Variants in RCHY1 observed in about 807,000 individuals in gnomAD.
RCHY1 encodes the protein RING finger and CHY zinc finger domain-containing protein 1.
A neutral mutation model predicts 41.6 loss-of-function variants in RCHY1; 21 were observed. That is an observed-to-expected ratio of 0.51 (90% CI 0.36 to 0.73). RCHY1 has a LOEUF of 0.73. Ranked by LOEUF, RCHY1 falls within the 30% of genes least tolerant of loss-of-function variation. The pLI, the probability that RCHY1 is intolerant of heterozygous loss-of-function variation, is 0.00. For synonymous variants in RCHY1, 79 were observed against 102.9 expected (o/e 0.77, Z 1.41); for missense variants, 265 against 325.3 (o/e 0.81, Z 1.43).
rs1338082452 is a variant in RCHY1 at position 75,487,675 on chromosome 4, T to G, written c.657+2906A>C. Among the ~76,000 whole-genome samples, 4 of 94,260 alleles carry G rather than the reference T, an allele frequency of 4.2e-5. No individual in the cohort carries two copies. The East Asian group carries it at 1.1e-3, about 26-fold the overall frequency. 61.8% of individuals were successfully genotyped at this position (94,260 alleles called of 152,430 possible). A position where few individuals can be genotyped will look rare whatever the true frequency, so the allele number is the denominator to read the frequency against. On this transcript the variant is annotated intron_variant, in intron 8 of 8. Coordinates refer to ENST00000324439, the MANE Select transcript of RCHY1 (RefSeq NM_015436.4). ...TTCATAATATATATATTCATATATA[T>G]TCATAATATATATATTCATATATAT...
At chr4:75,512,902 A>AGGG (rs33923711) in intron 1 of RCHY1, among the ~76,000 whole-genome samples, 2 of 96,506 alleles carry the variant, frequency 2.1e-5, no homozygotes, top group South Asian at 4.1e-4. Flanking sequence ...CTGGTATTTA[A>AGGG]GGGGGGGGGG....
At position 75,494,150 on chromosome 4, in the gene RCHY1, C is replaced by A; in HGVS notation, c.356G>T (p.Cys119Phe). The A allele has an allele frequency of 6.4e-7, 1 of 1,565,638 alleles. No homozygotes were observed. The highest frequency in any genetic ancestry group is 1.2e-5 in the South Asian group (1 of 83,532). ...AGCTAGGCATAAGTTACATTTCAAA[C>A]AATGGAAAAAATCTTCCTTTGGACC... is the stretch of plus-strand genomic sequence containing the variant. ...RIGPKEDFFHCLKCNLCLAMN... is the reference protein window; with the variant it reads ...RIGPKEDFFHFLKCNLCLAMN... Residue 119 changes from cysteine (C) to phenylalanine (F), a missense_variant, in exon 4 of 9, where the codon TGT becomes TTT. Cys to Phe is a radical substitution (Grantham distance 205, BLOSUM62 -2). Coordinates refer to ENST00000324439, the MANE Select transcript of RCHY1 (RefSeq NM_015436.4).
rs1721431011 is a variant in RCHY1 at position 75,480,443 on chromosome 4, G to T, written c.*2095C>A. 1.3e-5 allele frequency: 2 copies of T among 152,146 alleles called. No individual in the cohort carries two copies. Among genetic ancestry groups the T allele is most frequent in the Non-Finnish European group, 2.9e-5 (2 of 68,026 alleles). 9.4% of individuals were successfully genotyped at this position (152,146 alleles called of 1,614,324 possible). On this transcript the variant is annotated 3_prime_UTR_variant, in exon 9 of 9. Transcript: ENST00000324439. The stretch of plus-strand genomic sequence containing the variant: ...TAAAAGTGGGTTTGGAGTCAAACTT[G>T]GATCTGATTCCCAACTCCAACATAT...
intron 8 of RCHY1, 107 bp downstream of exon 8, chr4:75,490,474 G>T: frequency 1.3e-6 from 1 of 768,212 alleles, no homozygotes; most frequent in African/African-American, 1.9e-5. Flanking sequence ...TAGCATCTGT[G>T]TCAAACCAGT....
chr4:75,500,380 C>T (rs985167270), intron 3 of RCHY1, among the ~76,000 whole-genome samples: 2 of 152,088 alleles, frequency 1.3e-5, no homozygotes, highest in African/African-American at 4.8e-5. Flanking sequence ...AAAGCTTATT[C>T]TTGTACATTA....
intron 3 of RCHY1, among the ~76,000 whole-genome samples, chr4:75,496,504 A>C (rs1452074278): frequency 6.6e-6 from 1 of 152,128 alleles, no homozygotes; most frequent in Non-Finnish European, 1.5e-5. Context: ...ACCCAAAGCC[A>C]GGGAAACAAC....
intron 1 of RCHY1, among the ~76,000 whole-genome samples, chr4:75,511,137 G>A (rs1204582028): frequency 6.6e-6 from 1 of 152,074 alleles, no homozygotes; most frequent in Non-Finnish European, 1.5e-5. Flanking sequence ...ACTTCAAATG[G>A]ATGTTTTACT....
At chr4:75,496,971 A>G (rs1723265821) in intron 3 of RCHY1, among the ~76,000 whole-genome samples, 1 of 152,158 alleles carries the variant, frequency 6.6e-6, no homozygotes, top group Non-Finnish European at 1.5e-5. Context: ...ATACCATTAC[A>G]TTAAAAAAGT....
Position 75,481,162 on chromosome 4 carries a change from G to A in RCHY1, c.*1376C>T, listed in dbSNP as rs1721496091. ...TGGAATACAGAAGACAAGAAGGTGG[G>A]ATAAAATAAAGATCTGAGTCCCAAA... On this transcript the variant is annotated 3_prime_UTR_variant, in exon 9 of 9. Transcript: ENST00000324439. 2 of 152,194 alleles carry A rather than the reference G, an allele frequency of 1.3e-5. No individual in the cohort carries two copies. The highest frequency in any genetic ancestry group is 4.8e-5 in the African/African-American group (2 of 41,442). The allele number at this position is 152,194 out of a possible 1,614,324, so 9.4% of individuals were successfully genotyped here. A position where few individuals can be genotyped will look rare whatever the true frequency, so the allele number is the denominator to read the frequency against.
intron 3 of RCHY1, among the ~76,000 whole-genome samples, chr4:75,502,745 A>G (rs1218177984): frequency 3.9e-5 from 6 of 152,162 alleles, no homozygotes; most frequent in Admixed American, 6.5e-5. Context: ...ATCATTCCCA[A>G]CTATCCTAAC....
chr4:75,486,303 C>T (rs1350283126), intron 8 of RCHY1, among the ~76,000 whole-genome samples: 1 of 151,952 alleles, frequency 6.6e-6, no homozygotes, highest in Non-Finnish European at 1.5e-5. Flanking sequence ...AATTTTTTTT[C>T]AGTAATTTAA....
At chr4:75,504,827 G>C (rs747385387) in intron 3 of RCHY1, among the ~76,000 whole-genome samples, 1 of 151,898 alleles carries the variant, frequency 6.6e-6, no homozygotes, top group Non-Finnish European at 1.5e-5. Context: ...TTATTCTTTC[G>C]TCTGCACATT....
chr4:75,509,287 A>G lies in RCHY1; in HGVS notation c.100T>C (p.Cys34Arg), dbSNP rs777053671. The G allele has an allele frequency of 6.2e-7, 1 of 1,612,948 alleles. No individual in the cohort carries two copies. The highest frequency in any genetic ancestry group is 8.5e-7 in the Non-Finnish European group (1 of 1,179,446). The stretch of plus-strand genomic sequence containing the variant: ...AAGCGGCAAGTATAAAGCTTGTCAC[A>G]GCAAGGTGCCTAACACCCACGGAGA... Reference protein sequence around the residue: ...DRGCLLKAPCCDKLYTCRLCH... With the variant: ...DRGCLLKAPCRDKLYTCRLCH... The change falls in exon 2 of 9, where the codon TGT becomes CGT. Residue 34 changes from cysteine (C) to arginine (R), a missense_variant. By Grantham distance (180) the Cys-to-Arg change is radical (BLOSUM62 -3). Coordinates refer to ENST00000324439, the MANE Select transcript of RCHY1 (RefSeq NM_015436.4).
chr4:75,482,453 G>T lies in RCHY1; in HGVS notation c.*85C>A. Reference sequence around the variant, plus strand: ...CAAAACACATCAACTCTAATGCATAGATGACGACACATGATAACACGATAC... The same window carrying T: ...CAAAACACATCAACTCTAATGCATATATGACGACACATGATAACACGATAC... On this transcript the variant is annotated 3_prime_UTR_variant, in exon 9 of 9. Coordinates refer to ENST00000324439, the MANE Select transcript of RCHY1 (RefSeq NM_015436.4). 7.7e-7 allele frequency: 1 copy of T among 1,302,516 alleles called. No individual in the cohort carries two copies. The highest frequency in any genetic ancestry group is 1.7e-5 in the South Asian group (1 of 59,584). The allele number at this position is 1,302,516 out of a possible 1,614,324, so 80.7% of individuals were successfully genotyped here.
At chr4:75,486,382 A>G (rs1412452755) in intron 8 of RCHY1, among the ~76,000 whole-genome samples, 5 of 152,124 alleles carry the variant, frequency 3.3e-5, no homozygotes, top group African/African-American at 4.8e-5. Context: ...TAAAATGCTA[A>G]AACATTAATT....
chr4:75,495,736 C>T lies in RCHY1; in HGVS notation c.327-1557G>A, dbSNP rs560555683. ...TTCTGCCTTTCTTGAACCACCATTA[C>T]TTTGGGTTTCTGTCACAAGATGCTA... On this transcript the variant is annotated intron_variant, in intron 3 of 8. Transcript: ENST00000324439. Among the ~76,000 whole-genome samples, 240 of 152,158 alleles carry T rather than the reference C, an allele frequency of 1.6e-3. 1 individual carries two copies. The highest frequency in any genetic ancestry group is 5.5e-3 in the African/African-American group (228 of 41,554).
intron 8 of RCHY1, among the ~76,000 whole-genome samples, chr4:75,489,618 T>C (rs1447934266): frequency 2.6e-5 from 4 of 152,194 alleles, no homozygotes; most frequent in Non-Finnish European, 5.9e-5. Flanking sequence ...TACGAAATAA[T>C]CACTGGAAGG....
intron 1 of RCHY1, among the ~76,000 whole-genome samples, chr4:75,513,050 T>C (rs1004787462): frequency 2.0e-5 from 3 of 152,056 alleles, no homozygotes; most frequent in African/African-American, 7.2e-5. Context: ...GAAAGAATAA[T>C]AATACATCTC....
intron 8 of RCHY1, among the ~76,000 whole-genome samples, chr4:75,487,667 C>CATA (rs1553917624): frequency 1.6e-4 from 6 of 38,442 alleles, no homozygotes; most frequent in Admixed American, 3.5e-4. Context: ...TATATATATT[C>CATA]ATATATATTC....
Sources: allele counts gnomAD v4.1 joint callset (sites outside exome capture counted in the v4.1 genomes callset), GRCh38; gene constraint gnomAD v4.1.1; transcripts MANE v1.5; gene names NCBI Gene and HGNC (gene_info 2026-07-23, HGNC 2026-07-21).